ADAMTS10: variants seen among roughly 807,000 people sequenced by gnomAD.
The protein encoded by ADAMTS10 is A disintegrin and metalloproteinase with thrombospondin motifs 10.
Under a neutral mutation model 135.9 loss-of-function variants are expected in ADAMTS10, and 48 were observed. That is an observed-to-expected ratio of 0.35 (90% CI 0.28 to 0.45). ADAMTS10 has a LOEUF of 0.45. Among genes scored for constraint, ADAMTS10 ranks in the 20% least tolerant of loss-of-function variants. The pLI is 1.00. For missense variants in ADAMTS10, 1,131 were observed against 1,565.2 expected, an observed-to-expected ratio of 0.72 and a Z score of 4.68; for synonymous variants, 621 against 647.5, an observed-to-expected ratio of 0.96 and a Z score of 0.62.
At chr19:8,606,628 C>A (rs931519739) in intron 2 of ADAMTS10, among the ~76,000 whole-genome samples, 4 of 152,180 alleles carry the variant, frequency 2.6e-5, no homozygotes. Flanking sequence ...GTCTTGAACT[C>A]CTGACCTCGC....
intron 18 of ADAMTS10, among the ~76,000 whole-genome samples, chr19:8,588,666 C>A (rs1454540895): frequency 6.6e-6 from 1 of 152,170 alleles, no homozygotes; most frequent in Admixed American, 6.5e-5. Context: ...TCCCTGCTAG[C>A]ACAGAACATT....
At position 8,589,573 on chromosome 19, in the gene ADAMTS10, G is replaced by T; in HGVS notation, c.1913C>A (p.Ala638Asp). 1 of 1,613,400 alleles carries T rather than the reference G, an allele frequency of 6.2e-7. No individual in the cohort carries two copies. The highest frequency in any genetic ancestry group is 1.6e-4 in the Middle Eastern group (1 of 6,062). Residue 638 changes from alanine (A) to aspartate (D), a missense_variant, in exon 17 of 26, where the codon GCC becomes GAC. By Grantham distance (126) the Ala-to-Asp change is moderately radical (BLOSUM62 -2). This residue lies in a region of ADAMTS10 where 745 missense variants were observed against 1,056.3 expected (regional missense o/e 0.71). Coordinates refer to ENST00000597188, the MANE Select transcript of ADAMTS10 (RefSeq NM_030957.4). ...TTCCGCTAGGCACGTGAGCGAGCAG[G>T]CCTTCACGCCCCCTGGGGGGCACGG... ...WKTYRGGGVK[A>D]CSLTCLAEGF...
In ADAMTS10 at chr19:8,580,710, G is replaced by A; in HGVS notation, c.*183C>T. ...GCGGATGCTGAAGAGGGGCTCTGGGGGGATAGCCAGCCCCTCTCCATCCCC... is the reference window on the plus strand; with the variant it reads ...GCGGATGCTGAAGAGGGGCTCTGGGAGGATAGCCAGCCCCTCTCCATCCCC... On this transcript the variant is annotated 3_prime_UTR_variant, in exon 26 of 26. Transcript: ENST00000597188. The A allele has an allele frequency of 1.7e-6, 1 of 595,278 alleles. No individual in the cohort carries two copies. Among genetic ancestry groups the A allele is most frequent in the Non-Finnish European group, 3.0e-6 (1 of 334,258 alleles). The allele number at this position is 595,278 out of a possible 1,614,324, so 36.9% of individuals were successfully genotyped here. A position where few individuals can be genotyped will look rare whatever the true frequency, so the allele number is the denominator to read the frequency against.
intron 18 of ADAMTS10, among the ~76,000 whole-genome samples, chr19:8,588,349 GCC>G (rs2042468079): frequency 1.9e-4 from 29 of 151,916 alleles, no homozygotes; most frequent in Admixed American, 1.9e-3. Context: ...GCCTCCCAAA[GCC>G]CTGGGATTAC....
At chr19:8,581,030 AT>A in intron 25 of ADAMTS10, 28 bp from the exon 26 acceptor site, 2 of 1,563,832 alleles carry the variant, frequency 1.3e-6, no homozygotes, top group Non-Finnish European at 1.7e-6. Flanking sequence ...GGAAGGAAAA[AT>A]CAGGTCTCAG....
In ADAMTS10 at chr19:8,585,187, C is replaced by T. The variant is rs887985159; in HGVS notation, c.2987G>A (p.Arg996His). ...SPAAKPPATM[R>H]CNLRRCPPAR... The stretch of plus-strand genomic sequence containing the variant: ...CGGGGGGCAGCGGCGCAAGTTGCAG[C>T]GCATGGTGGCCGGTGGCTTGGCGGC... Residue 996 changes from arginine (R) to histidine (H), a missense_variant, in exon 24 of 26, where the codon CGC becomes CAC. Arg to His is a conservative substitution (Grantham distance 29). Coordinates refer to ENST00000597188, the MANE Select transcript of ADAMTS10 (RefSeq NM_030957.4). The T allele has an allele frequency of 4.2e-6, 6 of 1,417,254 alleles. No homozygotes were observed. The highest frequency in any genetic ancestry group is 5.5e-6 in the Non-Finnish European group (6 of 1,090,582). The allele number at this position is 1,417,254 out of a possible 1,614,324, so 87.8% of individuals were successfully genotyped here. A position where few individuals can be genotyped will look rare whatever the true frequency, so the allele number is the denominator to read the frequency against.
chr19:8,605,092 G>A lies in ADAMTS10; in HGVS notation c.355C>T (p.Arg119Trp), dbSNP rs994485463. 5.0e-6 allele frequency: 8 copies of A among 1,612,648 alleles called. No individual in the cohort carries two copies. In the African/African-American group the frequency reaches 6.7e-5, roughly 13 times the overall value. The change falls in exon 4 of 26, where the codon CGG (arginine) becomes TGG (tryptophan). Residue 119 changes from arginine (R) to tryptophan (W), a missense_variant. By Grantham distance (101) the Arg-to-Trp change is moderately radical. Transcript: ENST00000597188. The surrounding 1 kb of genome is among the most constrained non-coding windows in gnomAD (Gnocchi z 7.7). Reference protein sequence around the residue: ...REGLAWQRAARPHCLYAGHLQ... With the variant: ...REGLAWQRAAWPHCLYAGHLQ... ...TGACCAGCGTAGAGGCAGTGGGGCC[G>A]GGCCGCCCTCTGCCAGGCCAGGCCC...
In ADAMTS10 at chr19:8,597,035, A is replaced by G. The variant is rs1555740413; in HGVS notation, c.992T>C (p.Ile331Thr). 4.3e-6 allele frequency: 7 copies of G among 1,614,132 alleles called. No homozygotes were observed. The highest frequency in any genetic ancestry group is 5.9e-6 in the Non-Finnish European group (7 of 1,180,024). Reference protein sequence around the residue: ...IVNHSGHGNAIPENGVANHDT... With the variant: ...IVNHSGHGNATPENGVANHDT... ...ATGGTTAGCCACACCGTTCTCTGGA[A>G]TGGCATTGCCATGGCCGCTGTGGTT... is the stretch of plus-strand genomic sequence containing the variant. The change falls in exon 8 of 26, where the codon ATT (isoleucine) becomes ACT (threonine). Residue 331 changes from isoleucine (I) to threonine (T), a missense_variant. This residue lies in a region of ADAMTS10 where 80 missense variants were observed against 164.4 expected (regional missense o/e 0.49). Transcript: ENST00000597188.
In ADAMTS10 at chr19:8,589,470, G is replaced by A. The variant is rs10414102; in HGVS notation, c.2016C>T (p.Cys672=). The A allele has an allele frequency of 7.8e-4, 1,243 of 1,601,366 alleles. 5 individuals are homozygous for A. The African/African-American group carries it at 0.015, about 19-fold the overall frequency. The change falls in exon 17 of 26, where the codon TGC becomes TGT. Residue 672 remains cysteine, a synonymous_variant. Coordinates refer to ENST00000597188, the MANE Select transcript of ADAMTS10 (RefSeq NM_030957.4). ...CCTCCACCTTGCATTCGCCACTGACGCAAATGTCCACCGTGTCTGGACGGC... is the reference window on the plus strand; with the variant it reads ...CCTCCACCTTGCATTCGCCACTGACACAAATGTCCACCGTGTCTGGACGGC... The part of the protein sequence containing the change: ...TPCRPDTVDI[C]VSGECKHVGC...
chr19:8,595,699 C>CCCGG, intron 12 of ADAMTS10, 63 bp downstream of exon 12: 76 of 799,670 alleles, frequency 9.5e-5, no homozygotes, highest in Non-Finnish European at 1.4e-4. Context: ...TGGTGGAGTT[C>CCCGG]CCTCCCCCAG....
chr19:8,589,401 A>AACCCCCCCCCCCCCCCCAACC, intron 17 of ADAMTS10, 36 bp from the exon 18 acceptor site: 1 of 1,599,424 alleles, frequency 6.3e-7, no homozygotes, highest in Non-Finnish European at 8.5e-7. Context: ...CGACCCCCTA[A>AACCCCCCCCCCCCCCCCAACC]CCCACCCCCG....
At position 8,585,309 on chromosome 19, in the gene ADAMTS10, C is replaced by A; in HGVS notation, c.2866-1G>T. On this transcript the variant is annotated splice_acceptor_variant, in intron 23 of 25. Transcript: ENST00000597188. LOFTEE classifies it high-confidence loss of function. ...GGCCCGGCCCGCAGCTGGGGGTGCA[C>A]TGCAGTTGGAAGGGGCGTTTCGTGC... 6.5e-7 allele frequency: 1 copy of A among 1,531,768 alleles called. No homozygotes were observed. Among genetic ancestry groups the A allele is most frequent in the Non-Finnish European group, 8.8e-7 (1 of 1,141,878 alleles). The allele number at this position is 1,531,768 out of a possible 1,614,324, so 94.9% of individuals were successfully genotyped here.
intron 16 of ADAMTS10, 150 bp downstream of exon 16, chr19:8,589,739 C>A: frequency 4.2e-6 from 6 of 1,421,154 alleles, no homozygotes; most frequent in Non-Finnish European, 4.8e-6. Context: ...TCACGTTGAA[C>A]CCCCATGGTA....
intron 1 of ADAMTS10, among the ~76,000 whole-genome samples, chr19:8,609,620 T>C (rs1306884395): frequency 1.3e-5 from 2 of 151,868 alleles, no homozygotes; most frequent in Non-Finnish European, 2.9e-5. Context: ...AGCCGGGGCC[T>C]GCGGGAGGAG....
rs1555739110 is a variant in ADAMTS10, at chr19:8,592,077, G to A, written c.1614C>T (p.Pro538=). 1.9e-6 allele frequency: 3 copies of A among 1,613,792 alleles called. No individual in the cohort carries two copies. The highest frequency in any genetic ancestry group is 4.5e-5 in the East Asian group (2 of 44,872). Residue 538 remains proline, a synonymous_variant, in exon 14 of 26, where the codon CCC becomes CCT. Transcript: ENST00000597188. Reference sequence around the variant, plus strand: ...CCACACCCTCTGGGCGCGACCCAAAGGGGACACAGACCCGTTTGTAGCACC... The same window carrying A: ...CCACACCCTCTGGGCGCGACCCAAAAGGGACACAGACCCGTTTGTAGCACC... ...KGWCYKRVCV[P]FGSRPEGVDG...
intron 13 of ADAMTS10, 137 bp from the exon 14 acceptor site, chr19:8,592,240 A>G: frequency 6.8e-7 from 1 of 1,469,776 alleles, no homozygotes. Context: ...TGAACATGCG[A>G]ACAGAGTCAG....
At chr19:8,598,165 T>C (rs1371522000) in intron 6 of ADAMTS10, among the ~76,000 whole-genome samples, 1 of 152,054 alleles carries the variant, frequency 6.6e-6, no homozygotes, top group African/African-American at 2.4e-5. Flanking sequence ...AATTTACAGA[T>C]GAGGAGACAT....
Position 8,592,764 on chromosome 19 carries a change from C to T in ADAMTS10, c.1586G>A (p.Gly529Glu), listed in dbSNP as rs1555739393. The T allele has an allele frequency of 6.8e-6, 11 of 1,611,126 alleles. No individual in the cohort carries two copies. Among genetic ancestry groups the T allele is most frequent in the Non-Finnish European group, 9.3e-6 (11 of 1,179,718 alleles). The change falls in exon 13 of 26, where the codon GGG (glycine) becomes GAG (glutamate). Residue 529 changes from glycine (G) to glutamate (E), a missense_variant and splice_region_variant. Coordinates refer to ENST00000597188, the MANE Select transcript of ADAMTS10 (RefSeq NM_030957.4). Reference sequence around the variant, plus strand: ...TTGGGGGCCCTGGCCGGCGCTCACCCCCTTGTCGATGGTGTGCGTCTGGCA... The same window carrying T: ...TTGGGGGCCCTGGCCGGCGCTCACCTCCTTGTCGATGGTGTGCGTCTGGCA... ...TLCQTHTIDK[G>E]WCYKRVCVPF...
intron 25 of ADAMTS10, chr19:8,582,647 C>T (rs188851892): frequency 6.7e-6 from 1 of 148,856 alleles, no homozygotes; most frequent in Admixed American, 6.8e-5. Flanking sequence ...GGACCAGGGG[C>T]GAATTAAAAG....
Sources: allele counts gnomAD v4.1 joint callset (sites outside exome capture counted in the v4.1 genomes callset), GRCh38; gene constraint gnomAD v4.1.1; regional missense constraint gnomAD v4.1.1; non-coding constraint Gnocchi (gnomAD v3.1); transcripts MANE v1.5; gene names NCBI Gene and HGNC (gene_info 2026-07-23, HGNC 2026-07-21).